Variants in SCAF4 observed in about 807,000 individuals in gnomAD.
SCAF4 encodes the protein SR-related and CTD-associated factor 4.
Under a neutral mutation model 129.8 loss-of-function variants are expected in SCAF4, and 25 were observed. The observed-to-expected ratio is 0.19, with a 90% confidence interval of 0.14 to 0.27. The LOEUF (loss-of-function observed/expected upper bound fraction) is 0.27. Among genes scored for constraint, SCAF4 ranks in the 10% least tolerant of loss-of-function variants. The pLI, the probability that SCAF4 is intolerant of heterozygous loss-of-function variation, is 1.00. For synonymous variants in SCAF4, 551 were observed against 497.7 expected, an observed-to-expected ratio of 1.11 and a Z score of -1.43; for missense variants, 1,246 against 1,457.1, an observed-to-expected ratio of 0.86 and a Z score of 2.36.
chr21:31,710,898 C>A (rs747932566), intron 1 of SCAF4, among the ~76,000 whole-genome samples: 1 of 152,158 alleles, frequency 6.6e-6, no homozygotes, highest in Non-Finnish European at 1.5e-5. Context: ...TAGTAAGTGG[C>A]AAGCTGAGTG....
At chr21:31,724,255 A>T (rs1228866618) in intron 1 of SCAF4, among the ~76,000 whole-genome samples, 3 of 152,196 alleles carry the variant, frequency 2.0e-5, no homozygotes, top group Non-Finnish European at 4.4e-5. Flanking sequence ...AAATGTAGAC[A>T]TGTCTCTCCT....
intron 19 of SCAF4, chr21:31,684,312 A>T (rs570263576): frequency 1.3e-5 from 2 of 152,848 alleles, no homozygotes; most frequent in Admixed American, 6.5e-5. Flanking sequence ...CAAATACAAC[A>T]ATTTGTTAAT....
chr21:31,723,169 TTGTAAC>T (rs2051112434), intron 1 of SCAF4, among the ~76,000 whole-genome samples: 1 of 152,212 alleles, frequency 6.6e-6, no homozygotes, highest in Admixed American at 6.5e-5. Context: ...ATAAATCTGG[TTGTAAC>T]TGTCTACCGA....
intron 10 of SCAF4, among the ~76,000 whole-genome samples, chr21:31,694,532 C>G (rs2050337123): frequency 6.6e-6 from 1 of 152,112 alleles, no homozygotes; most frequent in Non-Finnish European, 1.5e-5. Context: ...AGTTACTTTG[C>G]TTAAATTACA....
chr21:31,671,451 G>A lies in SCAF4; in HGVS notation c.3392C>T (p.Ser1131Leu), dbSNP rs1289019303. The A allele has an allele frequency of 1.2e-6, 2 of 1,614,138 alleles. No individual in the cohort carries two copies. Among genetic ancestry groups the A allele is most frequent in the East Asian group, 2.2e-5 (1 of 44,874 alleles). Residue 1131 changes from serine (S) to leucine (L), a missense_variant, in exon 20 of 20, where the codon TCA becomes TTA. Transcript: ENST00000286835. ...AGAATCCTTTTCGGGTTCAACGGAT[G>A]AGGTAGCCTCAGCAGGTAACTCTTC... ...PSEELPAEAT[S>L]SVEPEKDSGS...
chr21:31,681,006 T>A (rs1316337124), intron 19 of SCAF4, among the ~76,000 whole-genome samples: 1 of 152,226 alleles, frequency 6.6e-6, no homozygotes, highest in Non-Finnish European at 1.5e-5. Context: ...TCTGGAATCA[T>A]CAACTCAAAT....
At chr21:31,700,850 C>A (rs768005675) in intron 7 of SCAF4, 145 bp downstream of exon 7, 4 of 919,532 alleles carry the variant, frequency 4.4e-6, no homozygotes, top group Admixed American at 2.1e-5. Context: ...GGAAAATAAT[C>A]GATGTTTTCT....
chr21:31,719,057 G>A (rs1163143038), intron 1 of SCAF4, among the ~76,000 whole-genome samples: 5 of 152,142 alleles, frequency 3.3e-5, no homozygotes, highest in South Asian at 2.1e-4. Flanking sequence ...TCGGGAGGCC[G>A]AGGTAGACAG....
chr21:31,685,119 G>A lies in SCAF4; in HGVS notation c.2418C>T (p.Gly806=), dbSNP rs778108166. The A allele has an allele frequency of 1.2e-6, 2 of 1,613,004 alleles. No homozygotes were observed. Among genetic ancestry groups the A allele is most frequent in the Non-Finnish European group, 1.7e-6 (2 of 1,179,780 alleles). The part of the protein sequence containing the change: ...AESGDSVKMY[G]SAVPPAAPTN... ...TGGGTGCAGCAGGTGGCACGGCAGA[G>A]CCATACATTTTCACGCTGTCACCAG... Residue 806 remains glycine, a synonymous_variant, in exon 19 of 20, where the codon GGC becomes GGT. Transcript: ENST00000286835.
intron 1 of SCAF4, chr21:31,712,866 T>C: frequency 1.0e-6 from 1 of 970,516 alleles, no homozygotes; most frequent in Non-Finnish European, 1.2e-6. Flanking sequence ...CTGATGGCCT[T>C]CTTTATAAAA....
intron 1 of SCAF4, among the ~76,000 whole-genome samples, chr21:31,728,622 G>C (rs527851269): frequency 1.3e-5 from 2 of 152,120 alleles, no homozygotes; most frequent in Non-Finnish European, 2.9e-5. Flanking sequence ...TCTATGCAGG[G>C]TTGTGGGAAT....
intron 19 of SCAF4, among the ~76,000 whole-genome samples, chr21:31,681,287 G>A (rs559038335): frequency 2.6e-5 from 4 of 152,250 alleles, no homozygotes; most frequent in South Asian, 4.2e-4. Flanking sequence ...GAATGAGTTC[G>A]ACCTAGAACA....
intron 4 of SCAF4, 129 bp from the exon 5 acceptor site, chr21:31,702,508 G>T: frequency 1.6e-6 from 1 of 627,408 alleles, no homozygotes; most frequent in Non-Finnish European, 2.5e-6. Flanking sequence ...CATAAACAAG[G>T]AAAAAAAAAA....
At chr21:31,691,188 C>T (rs980420897) in intron 14 of SCAF4, among the ~76,000 whole-genome samples, 2 of 152,134 alleles carry the variant, frequency 1.3e-5, no homozygotes, top group Non-Finnish European at 2.9e-5. Context: ...CCAACTCTCA[C>T]CCAACCCAGC....
intron 14 of SCAF4, 150 bp downstream of exon 14, chr21:31,691,667 T>G: frequency 2.5e-6 from 1 of 402,692 alleles, no homozygotes; most frequent in Non-Finnish European, 4.3e-6. Flanking sequence ...TTAGGAAATA[T>G]TCTTTAAAAA....
chr21:31,703,060 T>C (rs989064913), intron 4 of SCAF4, among the ~76,000 whole-genome samples: 1 of 152,194 alleles, frequency 6.6e-6, no homozygotes, highest in African/African-American at 2.4e-5. Flanking sequence ...TTATATAGTA[T>C]GTTGTAAAGC....
rs79597333 is a variant in SCAF4, at chr21:31,706,414, G to C, written c.31-57C>G. ...GTTTAACTATTTGGCTAGTAAATAA[G>C]CACCTTTCCTACATATCTACATCAC... On this transcript the variant is annotated intron_variant, in intron 1 of 19. Coordinates refer to ENST00000286835, the MANE Select transcript of SCAF4 (RefSeq NM_020706.2). 3.3e-3 allele frequency: 3,907 copies of C among 1,178,014 alleles called. 120 individuals carry two copies. The African/African-American group carries it at 0.052, about 16-fold the overall frequency. The allele number at this position is 1,178,014 out of a possible 1,614,324, so 73.0% of individuals were successfully genotyped here.
At chr21:31,676,954 G>A (rs1231548120) in intron 19 of SCAF4, among the ~76,000 whole-genome samples, 1 of 152,038 alleles carries the variant, frequency 6.6e-6, no homozygotes, top group Non-Finnish European at 1.5e-5. Context: ...CATAAAATAT[G>A]TGGTCCTGTG....
chr21:31,674,542 T>C (rs909648222), intron 19 of SCAF4, among the ~76,000 whole-genome samples: 5 of 152,200 alleles, frequency 3.3e-5, no homozygotes, highest in African/African-American at 1.2e-4. Context: ...ATTTTATCTG[T>C]AGTTCCTTTT....
Sources: allele counts gnomAD v4.1 joint callset (sites outside exome capture counted in the v4.1 genomes callset), GRCh38; gene constraint gnomAD v4.1.1; transcripts MANE v1.5; gene names NCBI Gene and HGNC (gene_info 2026-07-23, HGNC 2026-07-21).